Variants in GOLGA6L9 observed in about 807,000 individuals in gnomAD.
The protein encoded by GOLGA6L9 is golgin subfamily A member 6-like protein 9.
Under a neutral mutation model 51.3 loss-of-function variants are expected in GOLGA6L9, and 19 were observed. The ratio of observed to expected loss-of-function variants is 0.37; its 90% CI spans 0.26 to 0.54. The LOEUF (loss-of-function observed/expected upper bound fraction) is 0.54. Ranked by LOEUF, GOLGA6L9 falls within the 20% of genes least tolerant of loss-of-function variation. GOLGA6L9 has a pLI of 0.83. For missense variants in GOLGA6L9, 247 were observed against 464.1 expected (o/e 0.53, Z 4.30); for synonymous variants, 97 against 184.2 (o/e 0.53, Z 3.83).
Position 82,429,950 on chromosome 15 carries a change from C to T in GOLGA6L9, c.-130C>T. 3.6e-6 allele frequency: 4 copies of T among 1,113,412 alleles called. No homozygotes were observed. The highest frequency in any genetic ancestry group is 1.2e-5 in the South Asian group (1 of 81,204). The allele number at this position is 1,113,412 out of a possible 1,614,324, so 69.0% of individuals were successfully genotyped here. A position where few individuals can be genotyped will look rare whatever the true frequency, so the allele number is the denominator to read the frequency against. On this transcript the variant is annotated 5_prime_UTR_variant, in exon 1 of 9. Transcript: ENST00000618348. ...TTCATCTTTCTCACTGACCAATGGG[C>T]TTGGAACATTAAGGCCACGCCCCTA...
rs1228564009 is a variant in GOLGA6L9 at position 82,431,921 on chromosome 15, C to T, written c.176C>T (p.Thr59Ile). 627,364 of 1,347,940 alleles carry T rather than the reference C, an allele frequency of 0.47. 237,044 individuals are homozygous for T. Among genetic ancestry groups the T allele is most frequent in the South Asian group, 0.7 (49,283 of 70,836 alleles). The allele number at this position is 1,347,940 out of a possible 1,614,324, so 83.5% of individuals were successfully genotyped here. The change falls in exon 2 of 9, where the codon ACT becomes ATT. Residue 59 changes from threonine (T) to isoleucine (I), a missense_variant. Thr to Ile is a moderately conservative substitution (Grantham distance 89, BLOSUM62 -1). Coordinates refer to ENST00000618348, the MANE Select transcript of GOLGA6L9 (RefSeq NM_198181.4). ...AATGGCAGTAGCCCTGACACATTCA[C>T]TTCTGGTGGTTACCACTCACCTGGG... Reference protein sequence around the residue: ...KINGSSPDTFTSGGYHSPGDS... With the variant: ...KINGSSPDTFISGGYHSPGDS...
At chr15:82,427,670 C>A (rs1243128584), upstream of GOLGA6L9, among the ~76,000 whole-genome samples, 3 of 152,052 alleles carry the variant, frequency 2.0e-5, no homozygotes, top group Non-Finnish European at 2.9e-5. Flanking sequence ...AGGACTACAG[C>A]TGTGTGCCAC....
chr15:82,432,573 C>T lies in GOLGA6L9; in HGVS notation c.206C>T (p.Ser69Leu), dbSNP rs1170964230. The T allele has an allele frequency of 1.1e-5, 17 of 1,603,154 alleles. No homozygotes were observed. The highest frequency in any genetic ancestry group is 1.7e-6 in the Non-Finnish European group (2 of 1,179,536). The change falls in exon 3 of 9, where the codon TCA becomes TTA. Residue 69 changes from serine (S) to leucine (L), a missense_variant and splice_region_variant. Transcript: ENST00000618348. ...CATGTGCACTCTCATCTCTTGGAGT[C>T]AGCAACAGGTATCTACGGGGAGGGC... ...TSGGYHSPGD[S>L]ATGIYGEGRA...
chr15:82,431,766 A>G, intron 1 of GOLGA6L9, 64 bp from the exon 2 acceptor site: 1 of 1,364,530 alleles, frequency 7.3e-7, no homozygotes, highest in Non-Finnish European at 9.7e-7. Context: ...TCAAAACTGT[A>G]AAGGAGGATG....
chr15:82,419,911 T>G, the GOLGA6L9 span: 2 of 237,032 alleles, frequency 8.4e-6, no homozygotes, highest in African/African-American at 4.6e-5. Context: ...ATATGCCATT[T>G]GGTTAGGCCT....
In GOLGA6L9 at chr15:82,431,959, G is replaced by T; in HGVS notation, c.204+10G>T. ...CCACTCACCTGGGGATGTGAGTCTC[G>T]GCGGGCCAGGCTCCTGGGGACAGGG... is the stretch of plus-strand genomic sequence containing the variant. On this transcript the variant is annotated intron_variant, in intron 2 of 8. Transcript: ENST00000618348. The T allele has an allele frequency of 1.5e-6, 2 of 1,346,492 alleles. No individual in the cohort carries two copies. Among genetic ancestry groups the T allele is most frequent in the South Asian group, 2.8e-5 (2 of 70,280 alleles). 83.4% of individuals were successfully genotyped at this position (1,346,492 alleles called of 1,614,324 possible).
the GOLGA6L9 span, among the ~76,000 whole-genome samples, chr15:82,419,012 A>C: frequency 6.6e-6 from 1 of 152,250 alleles, no homozygotes; most frequent in Admixed American, 6.5e-5. Context: ...GGAATTTCAG[A>C]GCAATTTCAT....
In GOLGA6L9 at chr15:82,429,944, A is replaced by G; in HGVS notation, c.-136A>G. 1.9e-6 allele frequency: 2 copies of G among 1,032,702 alleles called. No individual in the cohort carries two copies. Among genetic ancestry groups the G allele is most frequent in the Non-Finnish European group, 3.0e-6 (2 of 656,830 alleles). The allele number at this position is 1,032,702 out of a possible 1,614,324, so 64.0% of individuals were successfully genotyped here. On this transcript the variant is annotated 5_prime_UTR_variant, in exon 1 of 9. Coordinates refer to ENST00000618348, the MANE Select transcript of GOLGA6L9 (RefSeq NM_198181.4). Reference sequence around the variant, plus strand: ...TTCCCTTTCATCTTTCTCACTGACCAATGGGCTTGGAACATTAAGGCCACG... The same window carrying G: ...TTCCCTTTCATCTTTCTCACTGACCGATGGGCTTGGAACATTAAGGCCACG...
chr15:82,416,053 CAA>C, the GOLGA6L9 span: 1 of 152,208 alleles, frequency 6.6e-6, no homozygotes, highest in African/African-American at 2.4e-5. Context: ...TTTAAAGCTG[CAA>C]AGAGTTGCTC....
chr15:82,433,099 C>G (rs1178492868), intron 4 of GOLGA6L9, among the ~76,000 whole-genome samples: 75 of 151,626 alleles, frequency 4.9e-4, no homozygotes, highest in African/African-American at 1.7e-3. Context: ...CTGACTCTCT[C>G]TTCTCCAGAC....
rs2031557852 is a variant in GOLGA6L9, at chr15:82,434,258, G to T, written c.658G>T (p.Glu220Ter). 6.5e-7 allele frequency: 1 copy of T among 1,550,318 alleles called. No homozygotes were observed. Among genetic ancestry groups the T allele is most frequent in the Non-Finnish European group, 8.7e-7 (1 of 1,154,134 alleles). Residue 220 changes from glutamate to a stop codon, truncating the protein, a stop_gained, in exon 6 of 9, where the codon GAG becomes TAG. Coordinates refer to ENST00000618348, the MANE Select transcript of GOLGA6L9 (RefSeq NM_198181.4). LOFTEE classifies it high-confidence loss of function. ...EQEERLCEQE[E>*]RLCEQEERLR... is the part of the protein sequence containing the mutation. ...GGAGGAGAGGCTGTGTGAACAGGAG[G>T]AGAGGCTGTGTGAACAGGAGGAGAG...
chr15:82,433,178 G>A (rs2031486892), intron 4 of GOLGA6L9, among the ~76,000 whole-genome samples: 1 of 150,766 alleles, frequency 6.6e-6, no homozygotes, highest in East Asian at 2.0e-4. Context: ...TAGCCTGACT[G>A]GTTGTCAGAG....
At position 82,429,871 on chromosome 15, in the gene GOLGA6L9, A is replaced by G; in HGVS notation, c.-209A>G. The G allele has an allele frequency of 5.4e-6, 4 of 741,598 alleles. No homozygotes were observed. The highest frequency in any genetic ancestry group is 9.6e-6 in the Non-Finnish European group (4 of 415,964). 45.9% of individuals were successfully genotyped at this position (741,598 alleles called of 1,614,324 possible). On this transcript the variant is annotated 5_prime_UTR_variant, in exon 1 of 9. The change abolishes an upstream ATG in the 5' untranslated region. Coordinates refer to ENST00000618348, the MANE Select transcript of GOLGA6L9 (RefSeq NM_198181.4). Reference sequence around the variant, plus strand: ...AGCGGTTGCATGGGCAGCTTTCCTTATGATGCTACAGGTCCCTCTGGACAT... The same window carrying G: ...AGCGGTTGCATGGGCAGCTTTCCTTGTGATGCTACAGGTCCCTCTGGACAT...
At chr15:82,420,509 C>G in the GOLGA6L9 span, among the ~76,000 whole-genome samples, 30 of 151,970 alleles carry the variant, frequency 2.0e-4, no homozygotes, top group Admixed American at 2.0e-3. Flanking sequence ...CTTACCAAGT[C>G]TTTTTATTTT....
chr15:82,416,564 A>G, the GOLGA6L9 span, among the ~76,000 whole-genome samples: 3 of 152,156 alleles, frequency 2.0e-5, no homozygotes, highest in Non-Finnish European at 4.4e-5. Flanking sequence ...ATGGGAGTGG[A>G]AGGAGGAATG....
chr15:82,424,560 C>T, the GOLGA6L9 span, among the ~76,000 whole-genome samples: 6 of 152,110 alleles, frequency 3.9e-5, no homozygotes, highest in South Asian at 2.1e-4. Context: ...AATTAAAAAT[C>T]ACCTATAATA....
intron 2 of GOLGA6L9, 41 bp downstream of exon 2, chr15:82,431,990 A>T: frequency 7.5e-7 from 1 of 1,330,102 alleles, no homozygotes; most frequent in Non-Finnish European, 9.9e-7. Flanking sequence ...CAGGGAGCCC[A>T]AGGGGCAGTA....
intron 2 of GOLGA6L9, 40 bp from the exon 3 acceptor site, chr15:82,432,532 G>C: frequency 6.3e-7 from 1 of 1,596,036 alleles, no homozygotes; most frequent in Non-Finnish European, 8.5e-7. Context: ...GACAGTGAGG[G>C]GGGACAGAAC....
Position 82,429,898 on chromosome 15 carries a change from C to T in GOLGA6L9, c.-182C>T. The T allele has an allele frequency of 2.5e-6, 2 of 789,624 alleles. No individual in the cohort carries two copies. Among genetic ancestry groups the T allele is most frequent in the Non-Finnish European group, 2.2e-6 (1 of 447,556 alleles). 48.9% of individuals were successfully genotyped at this position (789,624 alleles called of 1,614,324 possible). On this transcript the variant is annotated 5_prime_UTR_variant, in exon 1 of 9. Transcript: ENST00000618348. ...GATGCTACAGGTCCCTCTGGACATG[C>T]TGCGCCTGGCCACGCCTCCTTTCCC...
Sources: allele counts gnomAD v4.1 joint callset (sites outside exome capture counted in the v4.1 genomes callset), GRCh38; gene constraint gnomAD v4.1.1; transcripts MANE v1.5; gene names NCBI Gene and HGNC (gene_info 2026-07-23, HGNC 2026-07-21).